MCTP1: variants seen among roughly 807,000 people sequenced by gnomAD.
MCTP1 encodes the protein multiple C2 and transmembrane domain-containing protein 1.
Under a neutral mutation model 120.6 loss-of-function variants are expected in MCTP1, and 69 were observed. The observed-to-expected ratio is 0.57, with a 90% CI of 0.47 to 0.70. MCTP1 has a LOEUF of 0.70. MCTP1 is among the 30% of genes least tolerant of loss of function. The probability of loss-of-function intolerance (pLI) is 0.00; values close to 1 mark genes in which losing one functional copy is unlikely to be tolerated. For missense variants in MCTP1, 1,203 were observed against 1,248.8 expected (o/e 0.96, Z 0.55); for synonymous variants, 529 against 493.1 (o/e 1.07, Z -0.96).
intron 17 of MCTP1, among the ~76,000 whole-genome samples, chr5:94,827,966 C>T (rs991752083): frequency 4.6e-5 from 7 of 151,574 alleles, no homozygotes; most frequent in African/African-American, 1.2e-4. Context: ...GCCTACTATT[C>T]GTTAAACTCA....
At chr5:95,248,006 T>A (rs1241584832) in intron 1 of MCTP1, among the ~76,000 whole-genome samples, 1 of 152,058 alleles carries the variant, frequency 6.6e-6, no homozygotes, top group African/African-American at 2.4e-5. Context: ...TAAACTAGGT[T>A]TTGATGGAAC....
intron 5 of MCTP1, among the ~76,000 whole-genome samples, chr5:94,932,655 A>T (rs573843526): frequency 6.6e-6 from 1 of 152,190 alleles, no homozygotes; most frequent in African/African-American, 2.4e-5. Flanking sequence ...AAACTAAATC[A>T]TAAAAGCCCA....
intron 1 of MCTP1, among the ~76,000 whole-genome samples, chr5:95,278,766 G>C (rs573802524): frequency 1.1e-3 from 160 of 151,736 alleles, no homozygotes; most frequent in South Asian, 4.6e-3. Flanking sequence ...AGTTCGAGAC[G>C]AGCCTAACCA....
Position 94,920,964 on chromosome 5 carries a change from C to T in MCTP1, c.1273-2991G>A, listed in dbSNP as rs151093516. 5.9e-5 allele frequency among the ~76,000 whole-genome samples: 9 copies of T among 152,160 alleles called. 1 individual carries two copies. Among genetic ancestry groups the T allele is most frequent in the Admixed American group, 3.3e-4 (5 of 15,280 alleles). ...GATTTTTATATGAAGTATCTTGGCA[C>T]GTTCCAGACTTTTCCACTTAAAAAA... On this transcript the variant is annotated intron_variant, in intron 7 of 22. Transcript: ENST00000515393.
intron 1 of MCTP1, among the ~76,000 whole-genome samples, chr5:95,230,496 C>T (rs75902716): frequency 6.6e-6 from 1 of 152,052 alleles, no homozygotes; most frequent in South Asian, 2.1e-4. Flanking sequence ...AACATGACTT[C>T]TAGTGAGCCC....
At chr5:94,836,775 A>G (rs1421026243) in intron 17 of MCTP1, among the ~76,000 whole-genome samples, 1 of 152,234 alleles carries the variant, frequency 6.6e-6, no homozygotes, top group Admixed American at 6.5e-5. Context: ...CTTAGACAAA[A>G]GGGCAAGATA....
At chr5:95,012,328 T>C (rs964963409) in intron 2 of MCTP1, among the ~76,000 whole-genome samples, 5 of 152,178 alleles carry the variant, frequency 3.3e-5, no homozygotes, top group Admixed American at 2.0e-4. Flanking sequence ...TTGTTCCTGG[T>C]ATATCATTAA....
At chr5:94,859,234 G>T (rs1795274014) in intron 17 of MCTP1, among the ~76,000 whole-genome samples, 1 of 151,666 alleles carries the variant, frequency 6.6e-6, no homozygotes, top group South Asian at 2.1e-4. Flanking sequence ...CAGCCTCTTG[G>T]TTGAGGCACG....
Position 94,705,867 on chromosome 5 carries a change from T to TGTCA in MCTP1, c.*1625_*1628dup, listed in dbSNP as rs1179687189. On this transcript the variant is annotated 3_prime_UTR_variant, in exon 23 of 23. Transcript: ENST00000515393. ...CAGTGATGGTATGCAGACAGAAGCA[T>TGTCA]GTCATTTTAAACATGATACATTAAA... is the stretch of plus-strand genomic sequence containing the variant. 4 of 151,636 alleles carry TGTCA rather than the reference T, an allele frequency of 2.6e-5. No homozygotes were observed. Among genetic ancestry groups the TGTCA allele is most frequent in the Non-Finnish European group, 5.9e-5 (4 of 67,724 alleles). The allele number at this position is 151,636 out of a possible 1,614,324, so 9.4% of individuals were successfully genotyped here.
chr5:94,839,328 T>C (rs1429559526), intron 17 of MCTP1, among the ~76,000 whole-genome samples: 2 of 152,170 alleles, frequency 1.3e-5, no homozygotes, highest in African/African-American at 2.4e-5. Context: ...TACATCACAT[T>C]ACTCCCAGAT....
At chr5:95,249,523 G>A (rs1011535925) in intron 1 of MCTP1, among the ~76,000 whole-genome samples, 3 of 152,132 alleles carry the variant, frequency 2.0e-5, no homozygotes, top group African/African-American at 7.2e-5. Context: ...TGATGGAGAG[G>A]ATGTGGAGAA....
chr5:95,233,937 G>C (rs1456795747), intron 1 of MCTP1, among the ~76,000 whole-genome samples: 1 of 151,464 alleles, frequency 6.6e-6, no homozygotes, highest in African/African-American at 2.4e-5. Flanking sequence ...AGTGGGGAAA[G>C]TCAATGAAAC....
chr5:94,901,630 T>C (rs1327187094), intron 10 of MCTP1, among the ~76,000 whole-genome samples: 1 of 152,000 alleles, frequency 6.6e-6, no homozygotes, highest in Non-Finnish European at 1.5e-5. Flanking sequence ...AAAAAAACTA[T>C]ATACATTTGA....
At chr5:94,875,193 T>C (rs552358594) in intron 12 of MCTP1, among the ~76,000 whole-genome samples, 20 of 152,274 alleles carry the variant, frequency 1.3e-4, no homozygotes, top group Non-Finnish European at 2.5e-4. Context: ...GGTATGTATA[T>C]GCAGTTTTTA....
chr5:94,826,582 G>A (rs1403964945), intron 17 of MCTP1: 1 of 752,032 alleles, frequency 1.3e-6, no homozygotes, highest in African/African-American at 1.7e-5. Flanking sequence ...GCATCTTTTG[G>A]GCAAACTTCT....
intron 1 of MCTP1, among the ~76,000 whole-genome samples, chr5:95,138,583 C>T (rs1759639607): frequency 6.6e-6 from 1 of 152,118 alleles, no homozygotes; most frequent in African/African-American, 2.4e-5. Flanking sequence ...TGTTACTGGT[C>T]TGGAAGGGCC....
chr5:94,752,257 G>T (rs1203752979), intron 19 of MCTP1, among the ~76,000 whole-genome samples: 2 of 150,794 alleles, frequency 1.3e-5, no homozygotes, highest in Admixed American at 6.6e-5. Flanking sequence ...TATCCAAAGT[G>T]GTTACCTGAG....
intron 21 of MCTP1, chr5:94,710,520 G>A (rs1756527308): frequency 3.6e-6 from 1 of 279,596 alleles, no homozygotes; most frequent in African/African-American, 2.3e-5. Flanking sequence ...GTATATAAAT[G>A]GTGAAAATAA....
intron 1 of MCTP1, among the ~76,000 whole-genome samples, chr5:95,257,371 A>G (rs1757993915): frequency 6.6e-6 from 1 of 152,130 alleles, no homozygotes; most frequent in South Asian, 2.1e-4. Context: ...TAAAAAAACC[A>G]CTTGCTATTT....
Sources: allele counts gnomAD v4.1 joint callset (sites outside exome capture counted in the v4.1 genomes callset), GRCh38; gene constraint gnomAD v4.1.1; transcripts MANE v1.5; gene names NCBI Gene and HGNC (gene_info 2026-07-23, HGNC 2026-07-21).